The following NXPE1 variants were observed in gnomAD, a reference collection of about 807,000 sequenced individuals.
The protein encoded by NXPE1 is NXPE family member 1.
A neutral mutation model predicts 33.3 loss-of-function variants in NXPE1; 31 were observed. The ratio of observed to expected loss-of-function variants is 0.93; its 90% confidence interval spans 0.70 to 1.26. NXPE1 has a LOEUF of 1.26. Ranked by LOEUF, NXPE1 falls within the 50% of genes most tolerant of loss-of-function variation. The pLI is 0.00. For synonymous variants in NXPE1, 229 were observed against 231.4 expected, an observed-to-expected ratio of 0.99 and a Z score of 0.09; for missense variants, 661 against 655.6, an observed-to-expected ratio of 1.01 and a Z score of -0.09.
At chr11:114,528,668 T>A (rs1947457229) in intron 6 of NXPE1, 1 of 453,934 alleles carries the variant, frequency 2.2e-6, no homozygotes, top group East Asian at 3.0e-5. Flanking sequence ...TCACTCTTCC[T>A]GCTTGAAAGC....
chr11:114,532,781 T>A (rs1012909325), intron 5 of NXPE1, among the ~76,000 whole-genome samples: 3 of 152,168 alleles, frequency 2.0e-5, no homozygotes, highest in South Asian at 2.1e-4. Flanking sequence ...TATACAGGTG[T>A]GTGTGCATTT....
intron 5 of NXPE1, among the ~76,000 whole-genome samples, chr11:114,531,205 G>T (rs1182675422): frequency 1.3e-5 from 2 of 152,018 alleles, no homozygotes; most frequent in Non-Finnish European, 2.9e-5. Context: ...TTTAGAGAAT[G>T]TCTGAACAGT....
chr11:114,527,938 C>G, intron 6 of NXPE1, 37 bp from the exon 7 acceptor site: 2 of 1,512,716 alleles, frequency 1.3e-6, no homozygotes, highest in Non-Finnish European at 1.8e-6. Context: ...TTAGCCTGCT[C>G]TCTGCCCATG....
At chr11:114,555,776 G>C (rs2135136935) in intron 1 of NXPE1, among the ~76,000 whole-genome samples, 1 of 152,276 alleles carries the variant, frequency 6.6e-6, no homozygotes, top group South Asian at 2.1e-4. Context: ...ATGGAATAAT[G>C]TAGAATGTAC....
chr11:114,553,295 C>T (rs1316548831), intron 1 of NXPE1, among the ~76,000 whole-genome samples: 5 of 152,164 alleles, frequency 3.3e-5, no homozygotes, highest in African/African-American at 1.2e-4. Flanking sequence ...GAGATTCCCT[C>T]GGAGAGTCCC....
intron 5 of NXPE1, among the ~76,000 whole-genome samples, chr11:114,543,310 T>G (rs1345234487): frequency 6.6e-6 from 1 of 151,130 alleles, no homozygotes; most frequent in Admixed American, 6.6e-5. Flanking sequence ...GAGCCAAGAT[T>G]GCACCATTGT....
chr11:114,540,587 A>G (rs1948055992), intron 5 of NXPE1, among the ~76,000 whole-genome samples: 1 of 152,110 alleles, frequency 6.6e-6, no homozygotes, highest in Non-Finnish European at 1.5e-5. Flanking sequence ...TTTAAGTATA[A>G]CAAAAGAGTT....
chr11:114,537,833 T>C (rs1376031131), intron 5 of NXPE1, among the ~76,000 whole-genome samples: 2 of 151,782 alleles, frequency 1.3e-5, no homozygotes, highest in Non-Finnish European at 2.9e-5. Context: ...GAAGAATCAG[T>C]ATCATGAAAA....
At chr11:114,536,711 A>G (rs1045453941) in intron 5 of NXPE1, among the ~76,000 whole-genome samples, 3 of 152,118 alleles carry the variant, frequency 2.0e-5, no homozygotes, top group African/African-American at 4.8e-5. Flanking sequence ...TGACACATAC[A>G]CTCTCCCAAG....
chr11:114,542,726 A>C (rs1295189227), intron 5 of NXPE1, among the ~76,000 whole-genome samples: 1 of 152,192 alleles, frequency 6.6e-6, no homozygotes, highest in African/African-American at 2.4e-5. Flanking sequence ...ATTAGAGGGA[A>C]GCAATAGTCA....
intron 6 of NXPE1, 88 bp downstream of exon 6, chr11:114,530,087 T>G: frequency 7.4e-7 from 1 of 1,358,040 alleles, no homozygotes; most frequent in Non-Finnish European, 1.0e-6. Flanking sequence ...GGCCTCTGAG[T>G]CATGCTCAAT....
chr11:114,524,478 A>G (rs1947308443), intron 7 of NXPE1, among the ~76,000 whole-genome samples: 1 of 152,220 alleles, frequency 6.6e-6, no homozygotes, highest in Non-Finnish European at 1.5e-5. Context: ...AGAATTGGAA[A>G]GTGCACTTGG....
At chr11:114,530,097 T>C in intron 6 of NXPE1, 78 bp downstream of exon 6, 2 of 1,408,400 alleles carry the variant, frequency 1.4e-6, no homozygotes, top group Non-Finnish European at 1.9e-6. Flanking sequence ...TCATGCTCAA[T>C]GTTGCAATGG....
chr11:114,530,498 C>T (rs1234507449), exon 6 of NXPE1: 5 of 1,613,932 alleles, frequency 3.1e-6, no homozygotes, highest in African/African-American at 1.3e-5. Context: ...CCTCCCAGAA[C>T]AGAGTGAAGC....
chr11:114,553,727 T>C (rs1948581241), intron 1 of NXPE1: 1 of 985,294 alleles, frequency 1.0e-6, no homozygotes, highest in Non-Finnish European at 1.2e-6. Context: ...CATATCCCAG[T>C]GTCTTTAAGA....
intron 3 of NXPE1, among the ~76,000 whole-genome samples, chr11:114,551,646 A>G (rs1337657765): frequency 6.6e-6 from 1 of 152,228 alleles, no homozygotes. Context: ...AAAGAAAGCC[A>G]GTCCTGTTAA....
Position 114,542,964 on chromosome 11 carries a change from A to G in NXPE1, c.99+8139T>C, listed in dbSNP as rs115021043. The stretch of plus-strand genomic sequence containing the variant: ...ATTAGCTTATCTCACCAATTAAAGT[A>G]TATTTTCAGGTCAGGTAAAGTGGCT... On this transcript the variant is annotated intron_variant, in intron 5 of 8. Transcript: ENST00000534921. Among the ~76,000 whole-genome samples the G allele has an allele frequency of 9.7e-3, 1,485 of 152,314 alleles. 30 individuals are homozygous for G. Among genetic ancestry groups the G allele is most frequent in the African/African-American group, 0.034 (1,408 of 41,560 alleles).
intron 5 of NXPE1, among the ~76,000 whole-genome samples, chr11:114,533,750 C>T (rs879282681): frequency 6.6e-6 from 1 of 152,198 alleles, no homozygotes; most frequent in Non-Finnish European, 1.5e-5. Flanking sequence ...GGGCACCCAC[C>T]ATTGCTCAGG....
chr11:114,526,177 C>A (rs1947363362), intron 7 of NXPE1, among the ~76,000 whole-genome samples: 1 of 152,174 alleles, frequency 6.6e-6, no homozygotes, highest in Non-Finnish European at 1.5e-5. Flanking sequence ...AGCAAAGGAA[C>A]AGATTCTCCC....
Sources: allele counts gnomAD v4.1 joint callset (sites outside exome capture counted in the v4.1 genomes callset), GRCh38; gene constraint gnomAD v4.1.1; transcripts MANE v1.5; gene names NCBI Gene and HGNC (gene_info 2026-07-23, HGNC 2026-07-21).